The following NRXN3 variants were observed in gnomAD, a reference collection of about 807,000 sequenced individuals.
NRXN3 encodes neurexin 3.
Under a neutral mutation model 137.6 loss-of-function variants are expected in NRXN3, and 32 were observed. That is an observed-to-expected ratio of 0.23 (90% confidence interval 0.18 to 0.31). The LOEUF is 0.31. Among genes scored for constraint, NRXN3 ranks in the 10% least tolerant of loss-of-function variants. NRXN3 has a pLI of 1.00. For missense variants in NRXN3, 1,574 were observed against 2,062.5 expected (o/e 0.76, Z 4.59); for synonymous variants, 798 against 784.5 (o/e 1.02, Z -0.29).
At chr14:79,361,518 A>G (rs556373692) in intron 15 of NRXN3, among the ~76,000 whole-genome samples, 85 of 152,200 alleles carry the variant, frequency 5.6e-4, no homozygotes, top group Non-Finnish European at 1.0e-3. Flanking sequence ...GGAGTTTGAG[A>G]CTAGCCTGGC....
intron 1 of NRXN3, among the ~76,000 whole-genome samples, chr14:78,228,273 C>A (rs1294985691): frequency 1.3e-5 from 2 of 151,450 alleles, no homozygotes; most frequent in South Asian, 2.1e-4. Flanking sequence ...TCTCCTGTCT[C>A]AGCCTCCTAT....
intron 15 of NRXN3, among the ~76,000 whole-genome samples, chr14:79,156,597 T>C (rs2060275672): frequency 1.3e-5 from 2 of 151,822 alleles, no homozygotes; most frequent in South Asian, 4.1e-4. Flanking sequence ...TTCTTCCTCC[T>C]AGTGTATTGC....
chr14:79,764,588 C>CTGTT (rs1314086608), intron 19 of NRXN3, among the ~76,000 whole-genome samples: 1 of 152,068 alleles, frequency 6.6e-6, no homozygotes, highest in Admixed American at 6.6e-5. Flanking sequence ...ATAAACCGTG[C>CTGTT]TGTTTTCTTT....
chr14:79,767,501 G>A (rs1232197106), intron 19 of NRXN3, among the ~76,000 whole-genome samples: 2 of 152,152 alleles, frequency 1.3e-5, no homozygotes, highest in Non-Finnish European at 2.9e-5. Flanking sequence ...TAAATTGTCA[G>A]TGACACATTT....
rs1166771967 is a variant in NRXN3, at chr14:78,495,134, C to T, written c.758-149986C>T. ...TTTGTATATGTGGGGTGTGTGTGTG[C>T]GTGCGTGTGTGTGTGTGTGTGTGTG... On this transcript the variant is annotated intron_variant, in intron 4 of 20. Transcript: ENST00000335750. 4.6e-4 allele frequency among the ~76,000 whole-genome samples: 11 copies of T among 23,902 alleles called. No individual in the cohort carries two copies. In the South Asian group the frequency reaches 0.017, roughly 38 times the overall value. The allele number at this position is 23,902 out of a possible 152,430, so 15.7% of individuals were successfully genotyped here.
intron 4 of NRXN3, among the ~76,000 whole-genome samples, chr14:78,460,855 G>C (rs938476852): frequency 2.6e-5 from 4 of 151,992 alleles, no homozygotes; most frequent in African/African-American, 9.7e-5. Context: ...AGATAATTCA[G>C]CAGTTTACCA....
At chr14:78,658,720 C>T (rs1452949317) in intron 6 of NRXN3, among the ~76,000 whole-genome samples, 2 of 152,202 alleles carry the variant, frequency 1.3e-5, no homozygotes, top group East Asian at 3.9e-4. Flanking sequence ...ATAGAACACA[C>T]ATTATTGCTT....
chr14:78,773,181 T>G (rs1328298726), intron 8 of NRXN3, among the ~76,000 whole-genome samples: 1 of 152,160 alleles, frequency 6.6e-6, no homozygotes, highest in Non-Finnish European at 1.5e-5. Flanking sequence ...GTTCTCTAAT[T>G]CTGGATGCTT....
intron 15 of NRXN3, among the ~76,000 whole-genome samples, chr14:79,285,041 G>A (rs991994360): frequency 6.6e-6 from 1 of 152,082 alleles, no homozygotes; most frequent in African/African-American, 2.4e-5. Context: ...AGATTAACTT[G>A]TTCTTGAGAG....
chr14:79,040,137 T>C (rs2099622816), intron 15 of NRXN3, among the ~76,000 whole-genome samples: 1 of 152,208 alleles, frequency 6.6e-6, no homozygotes, highest in Non-Finnish European at 1.5e-5. Context: ...TGGTATTGTT[T>C]TGGATATTGG....
intron 4 of NRXN3, chr14:78,614,971 G>GC (rs1375339108): frequency 6.6e-6 from 3 of 456,570 alleles, no homozygotes; most frequent in Non-Finnish European, 1.3e-5. Context: ...ATGGTGTTAG[G>GC]CCCGGGAAGA....
At position 79,645,194 on chromosome 14, in the gene NRXN3, G is replaced by A. The variant is rs528014824; in HGVS notation, c.3445-18584G>A. ...GTCCTTAAATATATTGTTTCCTGGA[G>A]GTCTTTCTAGTGAGTTGGATTTCCT... is the stretch of plus-strand genomic sequence containing the variant. On this transcript the variant is annotated intron_variant, in intron 16 of 20. Transcript: ENST00000335750. 1.6e-3 allele frequency among the ~76,000 whole-genome samples: 217 copies of A among 134,606 alleles called. 49 individuals carry two copies. Among genetic ancestry groups the A allele is most frequent in the Non-Finnish European group, 2.7e-3 (156 of 57,948 alleles). 88.3% of individuals were successfully genotyped at this position (134,606 alleles called of 152,430 possible).
chr14:78,506,933 T>G (rs2096006664), intron 4 of NRXN3, among the ~76,000 whole-genome samples: 1 of 152,162 alleles, frequency 6.6e-6, no homozygotes, highest in Non-Finnish European at 1.5e-5. Context: ...GAGAAATATC[T>G]GTTCACCTCC....
intron 19 of NRXN3, among the ~76,000 whole-genome samples, chr14:79,711,885 A>G (rs987056064): frequency 1.3e-5 from 2 of 152,136 alleles, no homozygotes; most frequent in Non-Finnish European, 2.9e-5. Flanking sequence ...GACTCAGCCC[A>G]TTGTCTCAAG....
chr14:78,792,215 A>C (rs2098807288), intron 8 of NRXN3, among the ~76,000 whole-genome samples: 1 of 150,464 alleles, frequency 6.6e-6, no homozygotes, highest in Non-Finnish European at 1.5e-5. Context: ...AAAAAAAAAA[A>C]ACAAATTATC....
At chr14:79,697,492 T>C in intron 18 of NRXN3, 138 bp from the exon 19 acceptor site, 1 of 751,134 alleles carries the variant, frequency 1.3e-6, no homozygotes, top group South Asian at 1.9e-5. Context: ...ACGTCAGTAC[T>C]GAGGTTTTGT....
intron 7 of NRXN3, chr14:78,709,894 A>T (rs1260708953): frequency 2.0e-6 from 1 of 504,338 alleles, no homozygotes; most frequent in Non-Finnish European, 3.5e-6. Flanking sequence ...TAGCTCTACG[A>T]TCCTGGAGCT....
intron 4 of NRXN3, among the ~76,000 whole-genome samples, chr14:78,322,266 T>C (rs1330432402): frequency 6.6e-6 from 1 of 151,898 alleles, no homozygotes; most frequent in African/African-American, 2.4e-5. Context: ...AAGCCACAGA[T>C]GTTAGGAAAA....
chr14:78,615,776 A>C (rs72683546), intron 4 of NRXN3, among the ~76,000 whole-genome samples: 10,223 of 148,898 alleles, frequency 0.069, 413 homozygotes, highest in Middle Eastern at 0.16. Context: ...CTCTACCCCC[A>C]AAAAAAACAA....
Sources: allele counts gnomAD v4.1 joint callset (sites outside exome capture counted in the v4.1 genomes callset), GRCh38; gene constraint gnomAD v4.1.1; transcripts MANE v1.5; gene names NCBI Gene and HGNC (gene_info 2026-07-23, HGNC 2026-07-21).